Variants in SYN3 observed in about 807,000 individuals in gnomAD.
SYN3 encodes the protein synapsin-3.
Under a neutral mutation model 65.8 loss-of-function variants are expected in SYN3, and 35 were observed. That is an observed-to-expected ratio of 0.53 (90% CI 0.41 to 0.70). The LOEUF (loss-of-function observed/expected upper bound fraction) is 0.70, where lower values mean the gene tolerates loss of function less well. SYN3 is among the 30% of genes least tolerant of loss of function. The pLI is 0.00. For synonymous variants in SYN3, 270 were observed against 292.9 expected (o/e 0.92, Z 0.80); for missense variants, 680 against 749.0 (o/e 0.91, Z 1.08).
chr22:32,593,990 G>A (rs2059162450), intron 7 of SYN3, among the ~76,000 whole-genome samples: 1 of 152,170 alleles, frequency 6.6e-6, no homozygotes, highest in South Asian at 2.1e-4. Flanking sequence ...GCCAGCCACT[G>A]TAAATGATAG....
At chr22:33,036,902 GCTGGT>G (rs1355957292) in intron 1 of SYN3, among the ~76,000 whole-genome samples, 1 of 151,924 alleles carries the variant, frequency 6.6e-6, no homozygotes, top group Non-Finnish European at 1.5e-5. Flanking sequence ...TGTCGGTCAG[GCTGGT>G]CTTGAACTCC....
At chr22:32,869,689 GGT>G (rs1569290984) in intron 4 of SYN3, among the ~76,000 whole-genome samples, 6 of 118,462 alleles carry the variant, frequency 5.1e-5, no homozygotes, top group South Asian at 3.0e-4. Context: ...AACACATCTT[GGT>G]TTTTTTTTTT....
chr22:32,775,260 T>G (rs1473604936), intron 6 of SYN3, among the ~76,000 whole-genome samples: 1 of 152,114 alleles, frequency 6.6e-6, no homozygotes, highest in Non-Finnish European at 1.5e-5. Context: ...TCCTATGAGA[T>G]CAGGGTCCCA....
chr22:32,665,292 C>G (rs2060275076), intron 6 of SYN3, among the ~76,000 whole-genome samples: 1 of 152,118 alleles, frequency 6.6e-6, no homozygotes, highest in Non-Finnish European at 1.5e-5. Flanking sequence ...GCCACCACAC[C>G]TGGCCCATTG....
At chr22:33,056,739 T>C (rs2054260063) in intron 1 of SYN3, among the ~76,000 whole-genome samples, 1 of 152,258 alleles carries the variant, frequency 6.6e-6, no homozygotes, top group Non-Finnish European at 1.5e-5. Context: ...AGAAGGTTCA[T>C]GAAGGTTGCT....
At chr22:32,776,912 C>A (rs2045921175) in intron 6 of SYN3, among the ~76,000 whole-genome samples, 1 of 152,202 alleles carries the variant, frequency 6.6e-6, no homozygotes, top group African/African-American at 2.4e-5. Flanking sequence ...CTTGAGCACA[C>A]ACAGGAAAGT....
At chr22:32,610,465 T>A (rs1389087155) in intron 6 of SYN3, among the ~76,000 whole-genome samples, 1 of 152,238 alleles carries the variant, frequency 6.6e-6, no homozygotes, top group Non-Finnish European at 1.5e-5. Flanking sequence ...AATGCTCTAC[T>A]TTCTGTCTCT....
Position 33,015,233 on chromosome 22 carries a change from A to C in SYN3, c.-162-8409T>G, listed in dbSNP as rs944903562. ...GAGACTCCGTCTCAAAAAAAAAAAA[A>C]AAAAAAAAACTACTGTATCTTGGAC... is the stretch of plus-strand genomic sequence containing the variant. On this transcript the variant is annotated intron_variant, in intron 1 of 13. Transcript: ENST00000358763. 1.2e-4 allele frequency: 54 copies of C among 438,084 alleles called. 1 individual carries two copies. The highest frequency in any genetic ancestry group is 1.6e-4 in the Non-Finnish European group (45 of 282,862). The allele number at this position is 438,084 out of a possible 1,614,324, so 27.1% of individuals were successfully genotyped here.
intron 1 of SYN3, among the ~76,000 whole-genome samples, chr22:33,008,876 G>A (rs2053266060): frequency 7.8e-6 from 1 of 127,754 alleles, no homozygotes; most frequent in African/African-American, 2.9e-5. Flanking sequence ...AGTGAGCCAA[G>A]ATCACGTCAC....
chr22:32,550,315 G>C (rs933890124), intron 7 of SYN3, among the ~76,000 whole-genome samples: 1 of 149,690 alleles, frequency 6.7e-6, no homozygotes, highest in African/African-American at 2.5e-5. Flanking sequence ...TTAACAGCCT[G>C]ATCAGTAATT....
intron 7 of SYN3, among the ~76,000 whole-genome samples, chr22:32,559,610 C>T (rs1293472124): frequency 6.6e-6 from 1 of 152,066 alleles, no homozygotes; most frequent in African/African-American, 2.4e-5. Flanking sequence ...GGGCGGATCA[C>T]GAGGTCAGAT....
intron 3 of SYN3, among the ~76,000 whole-genome samples, chr22:32,964,924 A>G (rs764648609): frequency 5.3e-5 from 8 of 152,124 alleles, no homozygotes; most frequent in South Asian, 2.1e-4. Context: ...GGCAGATGGT[A>G]GTTTGACTCT....
At chr22:32,897,539 A>G (rs945548019) in intron 4 of SYN3, among the ~76,000 whole-genome samples, 1 of 152,208 alleles carries the variant, frequency 6.6e-6, no homozygotes, top group African/African-American at 2.4e-5. Flanking sequence ...CCGTGGAGTC[A>G]GACCTGGATT....
At chr22:32,526,474 G>T (rs2057978204) in intron 12 of SYN3, among the ~76,000 whole-genome samples, 1 of 152,050 alleles carries the variant, frequency 6.6e-6, no homozygotes, top group Middle Eastern at 3.4e-3. Context: ...GCCACAACAT[G>T]ATAGTAATGC....
intron 1 of SYN3, among the ~76,000 whole-genome samples, chr22:33,047,382 C>T (rs886754593): frequency 1.2e-4 from 19 of 152,198 alleles, no homozygotes; most frequent in Admixed American, 1.2e-3. Context: ...CCAATGCTTT[C>T]AACGTGGAGC....
intron 6 of SYN3, among the ~76,000 whole-genome samples, chr22:32,838,765 G>T (rs1163348686): frequency 6.6e-6 from 1 of 151,788 alleles, no homozygotes; most frequent in African/African-American, 2.4e-5. Context: ...CCCCGTCTTC[G>T]TTATTGTATT....
intron 7 of SYN3, among the ~76,000 whole-genome samples, chr22:32,548,384 A>AT (rs1388577403): frequency 6.6e-6 from 1 of 151,456 alleles, no homozygotes; most frequent in Non-Finnish European, 1.5e-5. Flanking sequence ...ATTTATTATT[A>AT]TTTTTTTGAG....
intron 7 of SYN3, among the ~76,000 whole-genome samples, chr22:32,592,228 C>A (rs1168333048): frequency 6.6e-6 from 1 of 152,054 alleles, no homozygotes; most frequent in African/African-American, 2.4e-5. Flanking sequence ...TAGCAGCATC[C>A]CTGGCTTCTA....
At chr22:32,897,759 G>A (rs372348344) in intron 4 of SYN3, among the ~76,000 whole-genome samples, 1 of 152,194 alleles carries the variant, frequency 6.6e-6, no homozygotes, top group Admixed American at 6.5e-5. Flanking sequence ...GGCATGTAGT[G>A]AGCGCATGAT....
Sources: gnomAD v4.1 joint callset for allele counts (sites outside exome capture counted in the v4.1 genomes callset) on GRCh38, gnomAD v4.1.1 for gene constraint, MANE v1.5 for transcripts, NCBI Gene and HGNC (gene_info 2026-07-23, HGNC 2026-07-21) for gene names.